The following TFAP2A variants were observed in gnomAD, a reference collection of about 807,000 sequenced individuals.
TFAP2A encodes transcription factor AP-2-alpha.
TFAP2A carries 7 observed loss-of-function variants against 41.5 expected under a neutral mutation model. That is an observed-to-expected ratio of 0.17 (90% CI 0.10 to 0.32). The LOEUF (loss-of-function observed/expected upper bound fraction) is 0.32, where lower values mean the gene tolerates loss of function less well. TFAP2A is among the 10% of genes least tolerant of loss of function. The probability of loss-of-function intolerance (pLI) is 1.00; values close to 1 mark genes in which losing one functional copy is unlikely to be tolerated. For missense variants in TFAP2A, 416 were observed against 563.3 expected (o/e 0.74, Z 2.65); for synonymous variants, 247 against 242.8 (o/e 1.02, Z -0.16).
At chr6:10,407,710 A>T (rs1236894280) in intron 2 of TFAP2A, 2 of 152,006 alleles carry the variant, frequency 1.3e-5, no homozygotes, top group Non-Finnish European at 2.9e-5. Flanking sequence ...TTAAAAAACT[A>T]TTGCTTCCTT....
chr6:10,404,359 C>G (rs769708793), intron 4 of TFAP2A, 149 bp downstream of exon 4: 354 of 353,920 alleles, frequency 1.0e-3, no homozygotes, highest in Non-Finnish European at 1.4e-3. Flanking sequence ...GCCCACTTGG[C>G]TCTACGCTCT....
intron 4 of TFAP2A, 24 bp from the exon 5 acceptor site, chr6:10,402,634 A>C: frequency 6.5e-7 from 1 of 1,542,598 alleles, no homozygotes; most frequent in Non-Finnish European, 9.0e-7. Context: ...ATATGCGAGA[A>C]AGGGATTTAG....
At chr6:10,399,924 C>CTCTCTCTG (rs558771454) in intron 6 of TFAP2A, among the ~76,000 whole-genome samples, 19 of 149,014 alleles carry the variant, frequency 1.3e-4, no homozygotes, top group Non-Finnish European at 2.2e-4. Flanking sequence ...CTCTCTCTGT[C>CTCTCTCTG]TGTGTGTGTG....
At chr6:10,411,795 G>A (rs1246322269) in intron 1 of TFAP2A, 3 of 1,445,832 alleles carry the variant, frequency 2.1e-6, no homozygotes, top group African/African-American at 1.4e-5. Context: ...CCACCGATTC[G>A]CGCGGCGCCT....
rs531975577 is a variant in TFAP2A, at chr6:10,404,735, G to C, written c.543C>G (p.Pro181=). Residue 181 remains proline, a synonymous_variant, in exon 4 of 7, where the codon CCC becomes CCG. Coordinates refer to ENST00000379613, the MANE Select transcript of TFAP2A (RefSeq NM_001372066.1). ...IPDQTVIKKG[P]VSLSKSNSNA... is the part of the protein sequence containing the mutation. The stretch of plus-strand genomic sequence containing the variant: ...TGCTGTTGGACTTGGACAGGGACAC[G>C]GGGCCTGCGGAGACAGAGGGGAGGC... The C allele has an allele frequency of 2.5e-6, 4 of 1,614,026 alleles. No homozygotes were observed. In the South Asian group the frequency reaches 3.3e-5, roughly 13 times the overall value.
At chr6:10,409,507 T>G in intron 2 of TFAP2A, 1 of 236,270 alleles carries the variant, frequency 4.2e-6, no homozygotes, top group Non-Finnish European at 8.5e-6. Flanking sequence ...AATGAGCTCT[T>G]TTGGTTGCAT....
upstream of TFAP2A, chr6:10,415,266 A>G: frequency 7.0e-7 from 1 of 1,425,848 alleles, no homozygotes; most frequent in Non-Finnish European, 9.2e-7. Context: ...CTCTAATGGT[A>G]GAAACTTTTC....
chr6:10,410,479 C>A, intron 1 of TFAP2A, 144 bp from the exon 2 acceptor site: 2 of 770,468 alleles, frequency 2.6e-6, no homozygotes, highest in South Asian at 1.5e-5. Flanking sequence ...GCTCTAAGTT[C>A]TTTTCAGGAA....
chr6:10,407,789 T>C (rs367981610), intron 2 of TFAP2A: 1 of 152,370 alleles, frequency 6.6e-6, no homozygotes, highest in Non-Finnish European at 1.5e-5. Flanking sequence ...TATGCTCCTG[T>C]TAATTGTGCC....
chr6:10,398,798 C>T lies in TFAP2A; in HGVS notation c.1032-93G>A. On this transcript the variant is annotated intron_variant, in intron 6 of 6. Transcript: ENST00000379613. This position sits in a 1 kb window ranked among gnomAD's most constrained non-coding sequence, Gnocchi z 5.3. ...AAAACCTCCCTCCCTGCAGCTACCT[C>T]TGCCGGGATCCAGCCGGTACCTGAC... 6.8e-7 allele frequency: 1 copy of T among 1,467,148 alleles called. No homozygotes were observed. The highest frequency in any genetic ancestry group is 9.3e-7 in the Non-Finnish European group (1 of 1,080,648). 90.9% of individuals were successfully genotyped at this position (1,467,148 alleles called of 1,614,324 possible). A position where few individuals can be genotyped will look rare whatever the true frequency, so the allele number is the denominator to read the frequency against.
In TFAP2A at chr6:10,398,261, C is replaced by G; in HGVS notation, c.*156G>C. ...AGTCGAGAGGGCAGTCCCGGAGACT[C>G]GGGGGGACCCAAGGGCAGCGGCGGC... On this transcript the variant is annotated 3_prime_UTR_variant, in exon 7 of 7. Transcript: ENST00000379613. The surrounding 1 kb of genome is among the most constrained non-coding windows in gnomAD (Gnocchi z 5.3). The G allele has an allele frequency of 6.5e-7, 1 of 1,543,798 alleles. No homozygotes were observed. Among genetic ancestry groups the G allele is most frequent in the Non-Finnish European group, 8.7e-7 (1 of 1,151,208 alleles).
At position 10,410,119 on chromosome 6, in the gene TFAP2A, G is replaced by T; in HGVS notation, c.268C>A (p.Gln90Lys). 1 of 1,612,800 alleles carries T rather than the reference G, an allele frequency of 6.2e-7. No homozygotes were observed. Among genetic ancestry groups the T allele is most frequent in the South Asian group, 1.1e-5 (1 of 91,020 alleles). The stretch of plus-strand genomic sequence containing the variant: ...CAGCCTGGGTGCTGCGGCTGCGGCT[G>T]GGCGTGCAGGGGGTTCAGGCTGTAG... ...DPYSLNPLHA[Q>K]PQPQHPGWPG... is the part of the protein sequence containing the mutation. Residue 90 changes from glutamine (Q) to lysine (K), a missense_variant, in exon 2 of 7, where the codon CAG (glutamine) becomes AAG (lysine). This residue lies in a region of TFAP2A where 241 missense variants were observed against 274.1 expected (regional missense o/e 0.88). Transcript: ENST00000379613.
chr6:10,410,459 G>GA (rs1243823209), intron 1 of TFAP2A, 124 bp from the exon 2 acceptor site: 23 of 893,500 alleles, frequency 2.6e-5, no homozygotes, highest in Admixed American at 4.1e-5. Context: ...TGGCCGCCGG[G>GA]AAAAAATCAG....
At position 10,398,296 on chromosome 6, in the gene TFAP2A, GGCA is replaced by G. The variant is rs1264691695; in HGVS notation, c.*118_*120del. ...CAAGGGCAGCGGCGGCGGCGGCGGC[GGCA>G]GCAGCAGCAGCAGTAGCAGCAGCAG... On this transcript the variant is annotated 3_prime_UTR_variant, in exon 7 of 7. Coordinates refer to ENST00000379613, the MANE Select transcript of TFAP2A (RefSeq NM_001372066.1). The surrounding 1 kb of genome is among the most constrained non-coding windows in gnomAD (Gnocchi z 5.3). The G allele has an allele frequency of 1.3e-4, 203 of 1,572,798 alleles. No homozygotes were observed. Among genetic ancestry groups the G allele is most frequent in the Admixed American group, 3.3e-4 (19 of 58,442 alleles).
chr6:10,404,970 C>T lies in TFAP2A; in HGVS notation c.539-231G>A, dbSNP rs1757640853. Reference sequence around the variant, plus strand: ...GCGGCCCTGCCCTCCCCCAGCCAGCCTGGCCTGCGTTTCTGCCTTGACCCT... The same window carrying T: ...GCGGCCCTGCCCTCCCCCAGCCAGCTTGGCCTGCGTTTCTGCCTTGACCCT... On this transcript the variant is annotated intron_variant, in intron 3 of 6. Transcript: ENST00000379613. The T allele has an allele frequency of 1.0e-5, 6 of 593,330 alleles. No homozygotes were observed. In the East Asian group the frequency reaches 1.7e-4, roughly 17 times the overall value. The allele number at this position is 593,330 out of a possible 1,614,324, so 36.8% of individuals were successfully genotyped here.
chr6:10,404,238 AC>A (rs900372708), intron 4 of TFAP2A, among the ~76,000 whole-genome samples: 1 of 151,894 alleles, frequency 6.6e-6, no homozygotes, highest in African/African-American at 2.4e-5. Context: ...GGAGCGGAGG[AC>A]TCCGCGAGCG....
At position 10,406,577 on chromosome 6, in the gene TFAP2A, A is replaced by G. The variant is rs546135149; in HGVS notation, c.538+216T>C. ...TCCAAATATCATTAAACTAAATTAAATGGTCAAATCATGAGTCAGAACAAA... is the reference window on the plus strand; with the variant it reads ...TCCAAATATCATTAAACTAAATTAAGTGGTCAAATCATGAGTCAGAACAAA... On this transcript the variant is annotated intron_variant, in intron 3 of 6. Coordinates refer to ENST00000379613, the MANE Select transcript of TFAP2A (RefSeq NM_001372066.1). The G allele has an allele frequency of 7.0e-5, 41 of 587,120 alleles. No homozygotes were observed. The South Asian group carries it at 7.8e-4, about 11-fold the overall frequency. The allele number at this position is 587,120 out of a possible 1,614,324, so 36.4% of individuals were successfully genotyped here. A position where few individuals can be genotyped will look rare whatever the true frequency, so the allele number is the denominator to read the frequency against.
chr6:10,411,436 G>T, intron 1 of TFAP2A: 2 of 1,449,600 alleles, frequency 1.4e-6, no homozygotes, highest in Non-Finnish European at 1.9e-6. Flanking sequence ...AAGGTGGGGT[G>T]GGGGATGCAA....
chr6:10,404,229 G>GAGCGGAGGACTCCGC (rs1757570126), intron 4 of TFAP2A, among the ~76,000 whole-genome samples: 1 of 152,340 alleles, frequency 6.6e-6, no homozygotes, highest in South Asian at 2.1e-4. Context: ...GAGGAGGGCG[G>GAGCGGAGGACTCCGC]AGCGGAGGAC....
Sources: gnomAD v4.1 joint callset for allele counts (sites outside exome capture counted in the v4.1 genomes callset) on GRCh38, gnomAD v4.1.1 for gene constraint, gnomAD v4.1.1 regional missense constraint, Gnocchi (gnomAD v3.1) non-coding constraint, MANE v1.5 for transcripts, NCBI Gene and HGNC (gene_info 2026-07-23, HGNC 2026-07-21) for gene names.